Variants in SLC6A19 observed in about 807,000 individuals in gnomAD.
The protein encoded by SLC6A19 is sodium-dependent neutral amino acid transporter B(0)AT1.
In SLC6A19, 67 loss-of-function variants were observed where a neutral mutation model predicts 68.3. The ratio of observed to expected loss-of-function variants is 0.98; its 90% CI spans 0.81 to 1.20. The LOEUF (loss-of-function observed/expected upper bound fraction) is 1.20. Ranked by LOEUF, SLC6A19 falls within the 50% of genes most tolerant of loss-of-function variation. The pLI, the probability that SLC6A19 is intolerant of heterozygous loss-of-function variation, is 0.00. For missense variants in SLC6A19, 813 were observed against 851.6 expected (o/e 0.95, Z 0.56); for synonymous variants, 392 against 374.9 (o/e 1.05, Z -0.53).
chr5:1,208,826 C>A lies in SLC6A19; in HGVS notation c.283C>A (p.Arg95=), dbSNP rs139182948. The A allele has an allele frequency of 3.1e-6, 5 of 1,613,076 alleles. No homozygotes were observed. In the African/African-American group the frequency reaches 6.7e-5, roughly 22 times the overall value. The change falls in exon 2 of 12, where the codon CGG becomes AGG. Residue 95 remains arginine (R), a synonymous_variant. Transcript: ENST00000304460. ...LLYLEFAIGQ[R]LRRGSLGVWS... is the part of the protein sequence containing the mutation. Reference sequence around the variant, plus strand: ...GTACCTGGAGTTCGCCATCGGGCAGCGGCTGCGGCGGGGCAGCCTGGGTGT... The same window carrying A: ...GTACCTGGAGTTCGCCATCGGGCAGAGGCTGCGGCGGGGCAGCCTGGGTGT...
Position 1,212,484 on chromosome 5 carries a change from G to A in SLC6A19, c.663G>A (p.Lys221=). ...CTIRGIETTG[K]AVYITSTLPY... is the part of the protein sequence containing the mutation. Reference sequence around the variant, plus strand: ...TCCGCGGCATCGAGACCACCGGGAAGGTACTGCATGGGCCCGGCCAGGCTG... The same window carrying A: ...TCCGCGGCATCGAGACCACCGGGAAAGTACTGCATGGGCCCGGCCAGGCTG... The change falls in exon 4 of 12, where the codon AAG becomes AAA. Residue 221 remains lysine (K), a splice_region_variant and synonymous_variant. Transcript: ENST00000304460. The surrounding 1 kb of genome is among the most constrained non-coding windows in gnomAD (Gnocchi z 5.1). 1.9e-6 allele frequency: 3 copies of A among 1,606,354 alleles called. No homozygotes were observed. Among genetic ancestry groups the A allele is most frequent in the Non-Finnish European group, 2.5e-6 (3 of 1,179,838 alleles).
chr5:1,201,637 G>C lies in SLC6A19; in HGVS notation c.-14G>C. 6.2e-7 allele frequency: 1 copy of C among 1,601,638 alleles called. No homozygotes were observed. Among genetic ancestry groups the C allele is most frequent in the Non-Finnish European group, 8.5e-7 (1 of 1,178,432 alleles). Reference sequence around the variant, plus strand: ...TGCCCTGCCTGCTGTGTGCGGAGCCGTCCAGCGACCACCATGGTGAGGCTC... The same window carrying C: ...TGCCCTGCCTGCTGTGTGCGGAGCCCTCCAGCGACCACCATGGTGAGGCTC... On this transcript the variant is annotated 5_prime_UTR_variant, in exon 1 of 12. Transcript: ENST00000304460.
intron 10 of SLC6A19, among the ~76,000 whole-genome samples, chr5:1,220,835 G>A (rs1220456485): frequency 6.6e-6 from 1 of 152,172 alleles, no homozygotes; most frequent in Non-Finnish European, 1.5e-5. Flanking sequence ...GGTGTCTGGC[G>A]GCGCTCCCTC....
intron 8 of SLC6A19, among the ~76,000 whole-genome samples, chr5:1,217,751 A>G (rs1746248235): frequency 6.6e-6 from 1 of 152,212 alleles, no homozygotes. Context: ...AGTGAGTTAT[A>G]ATTATGCACC....
intron 3 of SLC6A19, among the ~76,000 whole-genome samples, chr5:1,210,811 G>C (rs948383888): frequency 6.6e-6 from 1 of 152,228 alleles, no homozygotes; most frequent in African/African-American, 2.4e-5. Context: ...GGGAGCCCGG[G>C]GGGGCTGTGC....
Position 1,225,025 on chromosome 5 carries a change from C to T in SLC6A19, c.*3121C>T, listed in dbSNP as rs549337224. 1 of 162,620 alleles carries T rather than the reference C, an allele frequency of 6.1e-6. No individual in the cohort carries two copies. Among genetic ancestry groups the T allele is most frequent in the Non-Finnish European group, 1.4e-5 (1 of 74,048 alleles). The allele number at this position is 162,620 out of a possible 1,614,324, so 10.1% of individuals were successfully genotyped here. A position where few individuals can be genotyped will look rare whatever the true frequency, so the allele number is the denominator to read the frequency against. ...GGGCTTCGGGTGCATGCGATCTGAT[C>T]TGAGTTGTTTCTGACAGTGACAGAG... On this transcript the variant is annotated 3_prime_UTR_variant, in exon 12 of 12. Transcript: ENST00000304460.
At chr5:1,218,102 C>A (rs1746258737) in intron 8 of SLC6A19, among the ~76,000 whole-genome samples, 1 of 148,442 alleles carries the variant, frequency 6.7e-6, no homozygotes, top group Non-Finnish European at 1.5e-5. Context: ...TATGCACGTG[C>A]TGCTGCCTGC....
At chr5:1,218,873 G>A in intron 8 of SLC6A19, 30 bp from the exon 9 acceptor site, 1 of 1,606,548 alleles carries the variant, frequency 6.2e-7, no homozygotes, top group Non-Finnish European at 8.5e-7. Context: ...GGAGGGCAGA[G>A]GCCCTGGTGA....
chr5:1,221,889 G>A lies in SLC6A19; in HGVS notation c.1890G>A (p.Gly630=). 1 of 1,614,104 alleles carries A rather than the reference G, an allele frequency of 6.2e-7. No individual in the cohort carries two copies. The highest frequency in any genetic ancestry group is 8.5e-7 in the Non-Finnish European group (1 of 1,180,024). The change falls in exon 12 of 12, where the codon GGG becomes GGA. Residue 630 remains glycine (G), a synonymous_variant. Transcript: ENST00000304460. Reference sequence around the variant, plus strand: ...CACTGTCCACAGCCTCCATGAACGGGGACCTGAAGTACTGAGAAGGCCCAT... The same window carrying A: ...CACTGTCCACAGCCTCCATGAACGGAGACCTGAAGTACTGAGAAGGCCCAT... ...VSTLSTASMN[G]DLKY is the part of the protein sequence containing the mutation.
chr5:1,213,293 C>T (rs1250061190), intron 4 of SLC6A19, among the ~76,000 whole-genome samples, 170 bp from the exon 5 acceptor site: 1 of 23,604 alleles, frequency 4.2e-5, no homozygotes, highest in African/African-American at 2.2e-4. Flanking sequence ...GCCCTGTCCC[C>T]CCAACAGGCC....
chr5:1,223,886 T>A lies in SLC6A19; in HGVS notation c.*1982T>A, dbSNP rs7718565. ...TCCAGCAGTGACTGCACACACTGAG[T>A]CCCCTACCAGCCCCTTTCACCCTGC... On this transcript the variant is annotated 3_prime_UTR_variant, in exon 12 of 12. Coordinates refer to ENST00000304460, the MANE Select transcript of SLC6A19 (RefSeq NM_001003841.3). 2 of 152,216 alleles carry A rather than the reference T, an allele frequency of 1.3e-5. No individual in the cohort carries two copies. The allele number at this position is 152,216 out of a possible 1,614,324, so 9.4% of individuals were successfully genotyped here. A position where few individuals can be genotyped will look rare whatever the true frequency, so the allele number is the denominator to read the frequency against.
intron 8 of SLC6A19, 136 bp downstream of exon 8, chr5:1,217,081 T>C: frequency 7.2e-7 from 1 of 1,395,134 alleles, no homozygotes; most frequent in Non-Finnish European, 9.9e-7. Context: ...TCCCACTGTC[T>C]GCTCTGCCTG....
intron 1 of SLC6A19, among the ~76,000 whole-genome samples, chr5:1,202,845 C>T (rs1407411378): frequency 1.3e-5 from 2 of 152,214 alleles, no homozygotes; most frequent in Non-Finnish European, 2.9e-5. Flanking sequence ...GAATCAGTTT[C>T]GCCTCCAGCA....
At chr5:1,216,517 G>A in intron 6 of SLC6A19, 41 bp from the exon 7 acceptor site, 1 of 1,613,370 alleles carries the variant, frequency 6.2e-7, no homozygotes, top group Non-Finnish European at 8.5e-7. Flanking sequence ...CCTGACCTGG[G>A]ACCTCATCGC....
At chr5:1,211,081 A>G (rs1406433222) in intron 3 of SLC6A19, among the ~76,000 whole-genome samples, 1 of 152,118 alleles carries the variant, frequency 6.6e-6, no homozygotes, top group African/African-American at 2.4e-5. Flanking sequence ...GCTCACGGCG[A>G]TTCACACGTG....
At chr5:1,221,665 CG>C in intron 11 of SLC6A19, 35 bp from the exon 12 acceptor site, 1 of 1,611,734 alleles carries the variant, frequency 6.2e-7, no homozygotes. Flanking sequence ...CACTGGCTCC[CG>C]GGATGCCTAC....
At chr5:1,202,063 C>T (rs1466891824) in intron 1 of SLC6A19, among the ~76,000 whole-genome samples, 1 of 152,184 alleles carries the variant, frequency 6.6e-6, no homozygotes, top group Non-Finnish European at 1.5e-5. Context: ...CTGGCCGGCA[C>T]GACCCCAAGA....
Position 1,222,523 on chromosome 5 carries a change from A to ATGTGTACGTGTG in SLC6A19, c.*623_*634dup. The ATGTGTACGTGTG allele has an allele frequency of 2.5e-6, 1 of 406,916 alleles. No homozygotes were observed. Among genetic ancestry groups the ATGTGTACGTGTG allele is most frequent in the Non-Finnish European group, 4.4e-6 (1 of 229,584 alleles). 25.2% of individuals were successfully genotyped at this position (406,916 alleles called of 1,614,324 possible). On this transcript the variant is annotated 3_prime_UTR_variant, in exon 12 of 12. Transcript: ENST00000304460. The stretch of plus-strand genomic sequence containing the variant: ...CTGTGTGACGTGTGTATATGTGAGC[A>ATGTGTACGTGTG]TGTGTACGTGTGTGTATACGTGTGT...
At position 1,212,548 on chromosome 5, in the gene SLC6A19, C is replaced by G. The variant is rs183119054; in HGVS notation, c.663+64C>G. 2 of 1,584,884 alleles carry G rather than the reference C, an allele frequency of 1.3e-6. No homozygotes were observed. Among genetic ancestry groups the G allele is most frequent in the Non-Finnish European group, 1.7e-6 (2 of 1,168,786 alleles). Reference sequence around the variant, plus strand: ...GGGCGGGTGCGGGCAGCCCTGCCTCCGGCCGGCTGCACTCTAAAACCCAGG... The same window carrying G: ...GGGCGGGTGCGGGCAGCCCTGCCTCGGGCCGGCTGCACTCTAAAACCCAGG... On this transcript the variant is annotated intron_variant, in intron 4 of 11. Coordinates refer to ENST00000304460, the MANE Select transcript of SLC6A19 (RefSeq NM_001003841.3). The surrounding 1 kb of genome is among the most constrained non-coding windows in gnomAD (Gnocchi z 5.1).
Sources: allele counts gnomAD v4.1 joint callset (sites outside exome capture counted in the v4.1 genomes callset), GRCh38; gene constraint gnomAD v4.1.1; non-coding constraint Gnocchi (gnomAD v3.1); transcripts MANE v1.5; gene names NCBI Gene and HGNC (gene_info 2026-07-23, HGNC 2026-07-21).